The following OGN variants were observed in gnomAD, a reference collection of about 807,000 sequenced individuals.
OGN encodes osteoglycin.
In OGN, 19 loss-of-function variants were observed where a neutral mutation model predicts 30.8. That is an observed-to-expected ratio of 0.62 (90% CI 0.43 to 0.90). The LOEUF (loss-of-function observed/expected upper bound fraction) is 0.90. Among genes scored for constraint, OGN ranks in the 40% least tolerant of loss-of-function variants. OGN has a pLI of 0.00. For missense variants in OGN, 283 were observed against 349.7 expected, an observed-to-expected ratio of 0.81 and a Z score of 1.52; for synonymous variants, 126 against 128.3, an observed-to-expected ratio of 0.98 and a Z score of 0.12.
intron 3 of OGN, among the ~76,000 whole-genome samples, chr9:92,398,649 T>A (rs2130919926): frequency 6.6e-6 from 1 of 152,380 alleles, no homozygotes; most frequent in East Asian, 1.9e-4. Flanking sequence ...CTGTTGGATT[T>A]ACCATTGTTT....
At chr9:92,402,396 T>C (rs1001639185) in intron 2 of OGN, among the ~76,000 whole-genome samples, 1 of 152,224 alleles carries the variant, frequency 6.6e-6, no homozygotes, top group Admixed American at 6.5e-5. Context: ...CTCCAATTTA[T>C]AGTGGAGAAG....
At position 92,385,727 on chromosome 9, in the gene OGN, G is replaced by A. The variant is rs140783624; in HGVS notation, c.790C>T (p.Arg264Trp). The change falls in exon 7 of 7, where the codon CGG (arginine) becomes TGG (tryptophan). Residue 264 changes from arginine to tryptophan, a missense_variant. Physicochemically the swap from Arg to Trp is moderately radical, Grantham distance 101 (BLOSUM62 -3). Coordinates refer to ENST00000375561, the MANE Select transcript of OGN (RefSeq NM_014057.5). ...AGGCGTATCTCTTCAATGCGGTCCCGGATGTAACTGGTGTCATTAGCCTTG... is the reference window on the plus strand; with the variant it reads ...AGGCGTATCTCTTCAATGCGGTCCCAGATGTAACTGGTGTCATTAGCCTTG... Reference protein sequence around the residue: ...FCKANDTSYIRDRIEEIRLEG... With the variant: ...FCKANDTSYIWDRIEEIRLEG... 1.3e-5 allele frequency: 21 copies of A among 1,613,934 alleles called. No individual in the cohort carries two copies. The highest frequency in any genetic ancestry group is 8.0e-5 in the African/African-American group (6 of 74,904).
chr9:92,404,657 T>G (rs1466340808), upstream of OGN: 2 of 1,255,726 alleles, frequency 1.6e-6, no homozygotes, highest in Non-Finnish European at 2.1e-6. Context: ...TTCCATGTGG[T>G]AGAGATCTTT....
At chr9:92,390,095 A>C in intron 4 of OGN, 39 bp from the exon 5 acceptor site, 3 of 1,210,118 alleles carry the variant, frequency 2.5e-6, no homozygotes, top group Non-Finnish European at 3.6e-6. Flanking sequence ...TACGTAAGTA[A>C]AATTCTTATT....
At chr9:92,387,987 C>G (rs920742896) in intron 5 of OGN, among the ~76,000 whole-genome samples, 3 of 151,512 alleles carry the variant, frequency 2.0e-5, no homozygotes, top group Non-Finnish European at 4.4e-5. Flanking sequence ...TGGTCTCGAA[C>G]TCTTGAGCTC....
At chr9:92,402,884 C>T (rs576607362) in intron 2 of OGN, among the ~76,000 whole-genome samples, 146 of 152,112 alleles carry the variant, frequency 9.6e-4, no homozygotes, top group African/African-American at 3.2e-3. Context: ...TACACATTTC[C>T]GCTAATTTAT....
intron 4 of OGN, among the ~76,000 whole-genome samples, chr9:92,390,591 C>CGCGT (rs1459019629): frequency 2.1e-5 from 3 of 141,590 alleles, no homozygotes; most frequent in Non-Finnish European, 4.7e-5. Flanking sequence ...TGTGTGTGCG[C>CGCGT]GCGCGCGTAC....
intron 1 of OGN, chr9:92,403,789 A>T: frequency 1.9e-6 from 1 of 538,984 alleles, no homozygotes; most frequent in Non-Finnish European, 2.4e-6. Flanking sequence ...GTTAAAATAA[A>T]GTCCCAAGAT....
chr9:92,403,676 T>C, intron 1 of OGN, 194 bp from the exon 2 acceptor site: 1 of 1,048,718 alleles, frequency 9.5e-7, no homozygotes. Flanking sequence ...CTATCAGAAA[T>C]TCAAGAAAGA....
Position 92,383,378 on chromosome 9 carries a change from A to T in OGN, c.*2242T>A, listed in dbSNP as rs1842310988. ...GGCAACTGTGTTCAGTCTGCATATC[A>T]TATTGGATAGTATTGTTGTCTTAAC... On this transcript the variant is annotated 3_prime_UTR_variant, in exon 7 of 7. Transcript: ENST00000375561. Among the ~76,000 whole-genome samples, 2 of 152,242 alleles carry T rather than the reference A, an allele frequency of 1.3e-5. No homozygotes were observed. Among genetic ancestry groups the T allele is most frequent in the Admixed American group, 6.5e-5 (1 of 15,284 alleles).
chr9:92,386,061 T>C, intron 6 of OGN, 140 bp downstream of exon 6: 1 of 677,094 alleles, frequency 1.5e-6, no homozygotes, highest in Non-Finnish European at 2.5e-6. Flanking sequence ...TTAATCTTTT[T>C]GATAGGCAGA....
intron 6 of OGN, 54 bp downstream of exon 6, chr9:92,386,147 A>G: frequency 7.3e-7 from 1 of 1,367,712 alleles, no homozygotes; most frequent in Non-Finnish European, 1.0e-6. Context: ...ATGAGTCACA[A>G]GATTTTGACT....
intron 3 of OGN, among the ~76,000 whole-genome samples, chr9:92,396,257 CTGTACCTT>C (rs1312988191): frequency 6.6e-6 from 1 of 152,042 alleles, no homozygotes; most frequent in African/African-American, 2.4e-5. Context: ...GTCTTGATTC[CTGTACCTT>C]TGTAACAGTC....
At chr9:92,403,725 G>GC in intron 1 of OGN, 1 of 751,254 alleles carries the variant, frequency 1.3e-6, no homozygotes, top group Non-Finnish European at 1.6e-6. Flanking sequence ...AGTGCCTTCA[G>GC]CAGACATACT....
At position 92,393,156 on chromosome 9, in the gene OGN, CT is replaced by C. The variant is rs760671412; in HGVS notation, c.356del (p.Lys119ArgfsTer16). ...VDIDAVPPLP[K>X]ESAYLYARFN... ...ATCGTGCGTAAAGATAGGCTGATTC[CT>C]TTGGTAAGGGTGGTACAGCATCAAT... On this transcript the variant is annotated frameshift_variant, in exon 4 of 7. Coordinates refer to ENST00000375561, the MANE Select transcript of OGN (RefSeq NM_014057.5). LOFTEE classifies it high-confidence loss of function. 3 of 1,613,670 alleles carry C rather than the reference CT, an allele frequency of 1.9e-6. No individual in the cohort carries two copies. The highest frequency in any genetic ancestry group is 2.5e-6 in the Non-Finnish European group (3 of 1,179,864).
At chr9:92,389,016 A>G (rs1170751911) in intron 5 of OGN, among the ~76,000 whole-genome samples, 1 of 152,154 alleles carries the variant, frequency 6.6e-6, no homozygotes, top group Non-Finnish European at 1.5e-5. Context: ...ACACTTTCTA[A>G]CAGATTGTAC....
At chr9:92,403,615 A>G in intron 1 of OGN, 133 bp from the exon 2 acceptor site, 2 of 1,211,666 alleles carry the variant, frequency 1.7e-6, no homozygotes, top group African/African-American at 1.6e-5. Flanking sequence ...AGCAGTTTTT[A>G]TGTATCAGTG....
chr9:92,384,764 T>G lies in OGN; in HGVS notation c.*856A>C, dbSNP rs1842358044. 1 of 152,120 alleles carries G rather than the reference T, an allele frequency of 6.6e-6. No homozygotes were observed. The highest frequency in any genetic ancestry group is 2.4e-5 in the African/African-American group (1 of 41,436). The allele number at this position is 152,120 out of a possible 1,614,324, so 9.4% of individuals were successfully genotyped here. ...TGCTTGAACTAATTTATTGATGAGA[T>G]TCTCATTTCTGTAGTATAAAAGGAA... is the stretch of plus-strand genomic sequence containing the variant. On this transcript the variant is annotated 3_prime_UTR_variant, in exon 7 of 7. Coordinates refer to ENST00000375561, the MANE Select transcript of OGN (RefSeq NM_014057.5).
At chr9:92,394,214 T>G (rs976069499) in intron 3 of OGN, among the ~76,000 whole-genome samples, 4 of 152,118 alleles carry the variant, frequency 2.6e-5, no homozygotes, top group African/African-American at 9.7e-5. Flanking sequence ...TGAACTTGTT[T>G]TATATATTTT....
Sources: allele counts gnomAD v4.1 joint callset (sites outside exome capture counted in the v4.1 genomes callset), GRCh38; gene constraint gnomAD v4.1.1; transcripts MANE v1.5; gene names NCBI Gene and HGNC (gene_info 2026-07-23, HGNC 2026-07-21).